COL9A1: variants seen among roughly 807,000 people sequenced by gnomAD.
The protein encoded by COL9A1 is collagen type IX alpha 1 chain, also known as collagen alpha-1(IX) chain.
COL9A1 carries 104 observed loss-of-function variants against 142.6 expected under a neutral mutation model. That is an observed-to-expected ratio of 0.73 (90% CI 0.62 to 0.86). COL9A1 has a LOEUF of 0.86. Ranked by LOEUF, COL9A1 falls within the 40% of genes least tolerant of loss-of-function variation. The pLI is 0.00. For missense variants in COL9A1, 1,210 were observed against 1,176.6 expected (o/e 1.03, Z -0.42); for synonymous variants, 466 against 396.0 (o/e 1.18, Z -2.10).
chr6:70,243,775 G>A (rs1047771735), intron 28 of COL9A1, among the ~76,000 whole-genome samples: 8 of 152,132 alleles, frequency 5.3e-5, no homozygotes, highest in Non-Finnish European at 1.0e-4. Flanking sequence ...TGATCCGCCC[G>A]CCTTGGCCTC....
chr6:70,245,174 G>A (rs9455015), intron 28 of COL9A1, among the ~76,000 whole-genome samples: 23,438 of 152,088 alleles, frequency 0.15, 2,076 homozygotes, highest in Non-Finnish European at 0.21. Flanking sequence ...GTGTTGGGGC[G>A]AGTTTCTGAT....
At position 70,280,740 on chromosome 6, in the gene COL9A1, C is replaced by CA. The variant is rs35309094; in HGVS notation, c.975+71dup. Reference sequence around the variant, plus strand: ...CTCTTTCTCTCTCTCCCTCCCCCCCCACAAAACACACACTTACTCGTACCC... The same window carrying CA: ...CTCTTTCTCTCTCTCCCTCCCCCCCCAACAAAACACACACTTACTCGTACCC... On this transcript the variant is annotated intron_variant, in intron 10 of 37. Transcript: ENST00000357250. 3.2e-4 allele frequency: 491 copies of CA among 1,521,614 alleles called. No individual in the cohort carries two copies. In the African/African-American group the frequency reaches 5.9e-3, roughly 18 times the overall value. 94.3% of individuals were successfully genotyped at this position (1,521,614 alleles called of 1,614,324 possible).
At chr6:70,282,164 T>C (rs1420606075) in intron 7 of COL9A1, among the ~76,000 whole-genome samples, 1 of 152,188 alleles carries the variant, frequency 6.6e-6, no homozygotes, top group Admixed American at 6.5e-5. Context: ...GCGTCTGAAA[T>C]AGTATAAACG....
At chr6:70,287,870 T>G (rs1773516005) in intron 5 of COL9A1, among the ~76,000 whole-genome samples, 1 of 152,220 alleles carries the variant, frequency 6.6e-6, no homozygotes, top group Non-Finnish European at 1.5e-5. Context: ...CTTCTTAATC[T>G]CTTTTGACAA....
chr6:70,246,311 G>A (rs1583248882), intron 28 of COL9A1: 1 of 152,094 alleles, frequency 6.6e-6, no homozygotes, highest in East Asian at 1.9e-4. Context: ...AGTGACCCGA[G>A]ATTGCATCAC....
chr6:70,288,918 T>G (rs1024436844), intron 5 of COL9A1, among the ~76,000 whole-genome samples: 3 of 152,192 alleles, frequency 2.0e-5, no homozygotes, highest in Non-Finnish European at 2.9e-5. Context: ...ATTGGAGCAT[T>G]AATTTTTTCT....
chr6:70,281,142 G>A (rs1016913375), intron 8 of COL9A1, 103 bp from the exon 9 acceptor site: 16 of 1,032,172 alleles, frequency 1.6e-5, no homozygotes, highest in Non-Finnish European at 2.3e-5. Flanking sequence ...TGGGGATGGT[G>A]TAAGGGTCAA....
chr6:70,219,421 G>A (rs1768731314), intron 37 of COL9A1, among the ~76,000 whole-genome samples: 8 of 152,230 alleles, frequency 5.3e-5, no homozygotes, highest in Admixed American at 5.2e-4. Context: ...GTCTGTGGCT[G>A]CTTTGGCGTA....
chr6:70,297,624 G>A (rs1052218903), intron 4 of COL9A1, among the ~76,000 whole-genome samples: 2 of 151,924 alleles, frequency 1.3e-5, no homozygotes, highest in Admixed American at 6.6e-5. Flanking sequence ...AATTTAAAAG[G>A]AGCTGTATCT....
At chr6:70,299,570 T>C (rs775515579) in intron 4 of COL9A1, among the ~76,000 whole-genome samples, 1 of 152,174 alleles carries the variant, frequency 6.6e-6, no homozygotes, top group Non-Finnish European at 1.5e-5. Context: ...TTGTTTCTAT[T>C]ATAATTATTT....
chr6:70,286,703 A>G (rs1187335499), intron 5 of COL9A1, among the ~76,000 whole-genome samples: 1 of 152,222 alleles, frequency 6.6e-6, no homozygotes, highest in Non-Finnish European at 1.5e-5. Flanking sequence ...CTTCCTGATT[A>G]CTGAGCAGGA....
In COL9A1 at chr6:70,264,261, A is replaced by G. The variant is rs192452377; in HGVS notation, c.1342-964T>C. 2.9e-3 allele frequency among the ~76,000 whole-genome samples: 444 copies of G among 152,136 alleles called. 1 individual carries two copies. The highest frequency in any genetic ancestry group is 1.0e-2 in the African/African-American group (414 of 41,544). On this transcript the variant is annotated intron_variant, in intron 18 of 37. Coordinates refer to ENST00000357250, the MANE Select transcript of COL9A1 (RefSeq NM_001851.6). ...TCCAAATAAACTTTAGAATCATTGG[A>G]CAAATCTTCACAGAGTCTACTTGCT...
chr6:70,243,570 C>G (rs1770406443), intron 28 of COL9A1, among the ~76,000 whole-genome samples: 1 of 152,042 alleles, frequency 6.6e-6, no homozygotes, highest in Non-Finnish European at 1.5e-5. Flanking sequence ...CTCTGTTGCC[C>G]AGGCTGGAGT....
intron 37 of COL9A1, among the ~76,000 whole-genome samples, chr6:70,219,243 C>T (rs974680717): frequency 1.3e-5 from 2 of 151,690 alleles, no homozygotes; most frequent in Admixed American, 6.6e-5. Flanking sequence ...GCCTTAAAAT[C>T]AAATCAAGTT....
chr6:70,280,719 T>TTC lies in COL9A1; in HGVS notation c.975+91_975+92dup, dbSNP rs1773095635. Reference sequence around the variant, plus strand: ...GCCACAGCGCGTTCTCTCTCTCTCTTTCTCTCTCTCCCTCCCCCCCCACAA... The same window carrying TTC: ...GCCACAGCGCGTTCTCTCTCTCTCTTTCTCTCTCTCTCCCTCCCCCCCCACAA... On this transcript the variant is annotated intron_variant, in intron 10 of 37. Transcript: ENST00000357250. The TTC allele has an allele frequency of 9.9e-6, 14 of 1,415,522 alleles. No homozygotes were observed. In the South Asian group the frequency reaches 1.7e-4, roughly 18 times the overall value. The allele number at this position is 1,415,522 out of a possible 1,614,324, so 87.7% of individuals were successfully genotyped here.
chr6:70,300,329 A>G lies in COL9A1; in HGVS notation c.146T>C (p.Ile49Thr), dbSNP rs1367069820. ...GGNELCPKIR[I>T]GQDDLPGFDL... is the part of the protein sequence containing the mutation. ...CTCACCTGGTAAGTCATCTTGGCCAATCCTGATCTTTGGACAGAGTTCATT... is the reference window on the plus strand; with the variant it reads ...CTCACCTGGTAAGTCATCTTGGCCAGTCCTGATCTTTGGACAGAGTTCATT... Residue 49 changes from isoleucine to threonine, a missense_variant, in exon 3 of 38, where the codon ATT (isoleucine) becomes ACT (threonine). By Grantham distance (89) the Ile-to-Thr change is moderately conservative. Coordinates refer to ENST00000357250, the MANE Select transcript of COL9A1 (RefSeq NM_001851.6). 4 of 1,613,718 alleles carry G rather than the reference A, an allele frequency of 2.5e-6. No individual in the cohort carries two copies. The highest frequency in any genetic ancestry group is 1.7e-6 in the Non-Finnish European group (2 of 1,179,816).
intron 21 of COL9A1, 33 bp downstream of exon 21, chr6:70,256,735 A>G (rs772675743): frequency 6.2e-7 from 1 of 1,607,092 alleles, no homozygotes; most frequent in Non-Finnish European, 8.5e-7. Flanking sequence ...AAAAAAATCT[A>G]TCATTGGGTT....
intron 4 of COL9A1, among the ~76,000 whole-genome samples, chr6:70,298,710 T>TC (rs1773941785): frequency 6.6e-6 from 1 of 152,152 alleles, no homozygotes; most frequent in African/African-American, 2.4e-5. Flanking sequence ...GAAAATCAGG[T>TC]CAGCACTGAG....
At chr6:70,222,966 G>A (rs1768983526) in intron 37 of COL9A1, 1 of 152,072 alleles carries the variant, frequency 6.6e-6, no homozygotes, top group African/African-American at 2.4e-5. Flanking sequence ...CACATTCCTA[G>A]TCACATTCAA....
Sources: allele counts gnomAD v4.1 joint callset (sites outside exome capture counted in the v4.1 genomes callset), GRCh38; gene constraint gnomAD v4.1.1; transcripts MANE v1.5; gene names NCBI Gene and HGNC (gene_info 2026-07-23, HGNC 2026-07-21).